The following HMBOX1 variants were observed in gnomAD, a reference collection of about 807,000 sequenced individuals.
The protein encoded by HMBOX1 is homeobox-containing protein 1.
In HMBOX1, 14 loss-of-function variants were observed where a neutral mutation model predicts 54.5. The ratio of observed to expected loss-of-function variants is 0.26; its 90% CI spans 0.17 to 0.40. The LOEUF (loss-of-function observed/expected upper bound fraction) is 0.40. Ranked by LOEUF, HMBOX1 falls within the 10% of genes least tolerant of loss-of-function variation. The pLI is 1.00. For missense variants in HMBOX1, 332 were observed against 514.4 expected (o/e 0.65, Z 3.43); for synonymous variants, 160 against 181.0 (o/e 0.88, Z 0.93).
At position 28,970,093 on chromosome 8, in the gene HMBOX1, A is replaced by G. The variant is rs1224249029; in HGVS notation, c.74A>G (p.Glu25Gly). The G allele has an allele frequency of 6.2e-7, 1 of 1,614,038 alleles. No homozygotes were observed. The change falls in exon 3 of 10, where the codon GAG becomes GGG. Residue 25 changes from glutamate (E) to glycine (G), a missense_variant. Physicochemically the swap from Glu to Gly is moderately conservative, Grantham distance 98 (BLOSUM62 -2). Coordinates refer to ENST00000287701, the MANE Select transcript of HMBOX1 (RefSeq NM_001135726.3). The surrounding 1 kb of genome is among the most constrained non-coding windows in gnomAD (Gnocchi z 4.3). ...HYTDEPRFTI[E>G]QIDLLQRLRR... ...ACAGATGAACCCAGATTTACCATAG[A>G]GCAGATAGATCTGCTTCAGCGACTT...
At chr8:28,993,885 A>T (rs1831369311) in intron 4 of HMBOX1, among the ~76,000 whole-genome samples, 1 of 152,078 alleles carries the variant, frequency 6.6e-6, no homozygotes, top group Non-Finnish European at 1.5e-5. Flanking sequence ...AGAACAGGGG[A>T]AGGCCAGGCA....
At chr8:28,924,512 A>G (rs1818106003) in intron 1 of HMBOX1, 3 of 144,774 alleles carry the variant, frequency 2.1e-5, no homozygotes, top group African/African-American at 7.7e-5. Context: ...AATCCTTGCT[A>G]AATCTGATGT....
chr8:28,909,105 A>AG (rs1419033847), intron 1 of HMBOX1, among the ~76,000 whole-genome samples: 1 of 152,040 alleles, frequency 6.6e-6, no homozygotes, highest in East Asian at 1.9e-4. Context: ...TAAAAAAAAA[A>AG]AAAAAAAATT....
intron 4 of HMBOX1, among the ~76,000 whole-genome samples, chr8:29,006,449 G>C (rs528442509): frequency 6.6e-6 from 1 of 152,268 alleles, no homozygotes; most frequent in Admixed American, 6.5e-5. Context: ...CTAGGTCATA[G>C]AGTATATGTA....
At chr8:29,007,183 G>A (rs1328697386) in intron 4 of HMBOX1, among the ~76,000 whole-genome samples, 3 of 152,028 alleles carry the variant, frequency 2.0e-5, no homozygotes, top group African/African-American at 7.2e-5. Flanking sequence ...CAGCTACTCG[G>A]GAGGCTGAGG....
At chr8:29,039,930 A>G (rs929791757) in intron 6 of HMBOX1, among the ~76,000 whole-genome samples, 2 of 152,144 alleles carry the variant, frequency 1.3e-5, no homozygotes, top group Non-Finnish European at 2.9e-5. Context: ...ACCCTTATGT[A>G]AGCCCTATAG....
chr8:28,977,823 A>C (rs1184273371), intron 3 of HMBOX1, among the ~76,000 whole-genome samples: 4 of 151,908 alleles, frequency 2.6e-5, no homozygotes, highest in Non-Finnish European at 5.9e-5. Flanking sequence ...GGGCGCCTGT[A>C]GTCCCAGCTA....
intron 6 of HMBOX1, among the ~76,000 whole-genome samples, chr8:29,040,327 A>C (rs997101603): frequency 1.3e-5 from 2 of 152,180 alleles, no homozygotes; most frequent in African/African-American, 2.4e-5. Context: ...GTTGTTTGCT[A>C]TTTTATTTCC....
Position 28,995,576 on chromosome 8 carries a change from A to T in HMBOX1, c.587-13496A>T, listed in dbSNP as rs539251171. ...TTTAATGTTTTGAGGAACTGCCAAA[A>T]CTGTTTTCCATTTTATAAAACTACC... On this transcript the variant is annotated intron_variant, in intron 4 of 9. Coordinates refer to ENST00000287701, the MANE Select transcript of HMBOX1 (RefSeq NM_001135726.3). Among the ~76,000 whole-genome samples the T allele has an allele frequency of 7.2e-5, 11 of 152,228 alleles. No homozygotes were observed. In the South Asian group the frequency reaches 2.3e-3, roughly 32 times the overall value.
intron 9 of HMBOX1, chr8:29,049,639 A>T: frequency 2.4e-6 from 1 of 415,918 alleles, no homozygotes; most frequent in Non-Finnish European, 4.2e-6. Flanking sequence ...TTTATTCTGC[A>T]TTGCTTTTGG....
Position 29,051,497 on chromosome 8 carries a change from T to C in HMBOX1, c.*342T>C. On this transcript the variant is annotated 3_prime_UTR_variant, in exon 10 of 10. Coordinates refer to ENST00000287701, the MANE Select transcript of HMBOX1 (RefSeq NM_001135726.3). ...CAAATATTAGACTACGTGTAAAATCTTGGGTACCTTTAGATTCTTGTAACA... is the reference window on the plus strand; with the variant it reads ...CAAATATTAGACTACGTGTAAAATCCTGGGTACCTTTAGATTCTTGTAACA... The C allele has an allele frequency of 1.4e-6, 1 of 702,256 alleles. No individual in the cohort carries two copies. Among genetic ancestry groups the C allele is most frequent in the Non-Finnish European group, 2.6e-6 (1 of 384,392 alleles). The allele number at this position is 702,256 out of a possible 1,614,324, so 43.5% of individuals were successfully genotyped here. A position where few individuals can be genotyped will look rare whatever the true frequency, so the allele number is the denominator to read the frequency against.
At chr8:28,941,117 AT>A (rs568145149) in intron 1 of HMBOX1, among the ~76,000 whole-genome samples, 1 of 151,992 alleles carries the variant, frequency 6.6e-6, no homozygotes, top group Non-Finnish European at 1.5e-5. Context: ...TAGTCCTCAT[AT>A]TTTTTTCTTT....
intron 1 of HMBOX1, among the ~76,000 whole-genome samples, chr8:28,916,987 C>A (rs201433513): frequency 6.6e-6 from 1 of 150,658 alleles, no homozygotes; most frequent in African/African-American, 2.4e-5. Flanking sequence ...GGAACACTTG[C>A]GCCCAGGAGG....
intron 1 of HMBOX1, among the ~76,000 whole-genome samples, chr8:28,932,817 G>T (rs1213245851): frequency 1.3e-5 from 2 of 152,174 alleles, no homozygotes; most frequent in African/African-American, 2.4e-5. Context: ...GTGCAAAATG[G>T]CCTTAACTAC....
intron 1 of HMBOX1, among the ~76,000 whole-genome samples, chr8:28,925,123 A>C (rs1818226394): frequency 6.6e-6 from 1 of 152,132 alleles, no homozygotes; most frequent in South Asian, 2.1e-4. Flanking sequence ...TTAATTAAAA[A>C]ATTAAAAGAA....
chr8:28,909,521 G>A (rs1055913813), intron 1 of HMBOX1, among the ~76,000 whole-genome samples: 4 of 152,052 alleles, frequency 2.6e-5, no homozygotes, highest in Middle Eastern at 3.2e-3. Flanking sequence ...GATCAATACT[G>A]GTCTACAGAC....
intron 6 of HMBOX1, among the ~76,000 whole-genome samples, chr8:29,024,719 A>G (rs536512926): frequency 6.6e-6 from 1 of 152,308 alleles, no homozygotes; most frequent in South Asian, 2.1e-4. Flanking sequence ...ACAATTCTAT[A>G]CTGTAGGTAT....
chr8:28,947,818 C>G (rs1822742172), intron 1 of HMBOX1, among the ~76,000 whole-genome samples: 1 of 152,204 alleles, frequency 6.6e-6, no homozygotes, highest in Non-Finnish European at 1.5e-5. Flanking sequence ...TCATACAGCT[C>G]TAACCATATT....
chr8:28,982,541 C>G (rs113039585), intron 4 of HMBOX1, among the ~76,000 whole-genome samples: 2 of 152,018 alleles, frequency 1.3e-5, no homozygotes, highest in African/African-American at 4.8e-5. Flanking sequence ...CGTCCACCTC[C>G]TAGGCTCAAG....
Sources: allele counts gnomAD v4.1 joint callset (sites outside exome capture counted in the v4.1 genomes callset), GRCh38; gene constraint gnomAD v4.1.1; non-coding constraint Gnocchi (gnomAD v3.1); transcripts MANE v1.5; gene names NCBI Gene and HGNC (gene_info 2026-07-23, HGNC 2026-07-21).